The following PSMA1 variants were observed in gnomAD, a reference collection of about 807,000 sequenced individuals.
PSMA1 encodes proteasome 20S subunit alpha 1, also known as proteasome subunit alpha type-1.
Under a neutral mutation model 38.4 loss-of-function variants are expected in PSMA1, and 3 were observed. The ratio of observed to expected loss-of-function variants is 0.08; its 90% CI spans 0.04 to 0.20. The LOEUF is 0.20. PSMA1 is among the 10% of genes least tolerant of loss of function. The pLI is 1.00. For synonymous variants in PSMA1, 101 were observed against 107.1 expected (o/e 0.94, Z 0.35); for missense variants, 227 against 325.3 (o/e 0.70, Z 2.32).
At chr11:14,555,329 A>G (rs897628181) in intron 2 of PSMA1, among the ~76,000 whole-genome samples, 4 of 152,136 alleles carry the variant, frequency 2.6e-5, no homozygotes, top group Non-Finnish European at 4.4e-5. Flanking sequence ...GATGTGCATT[A>G]CTTCTGACTT....
At chr11:14,591,817 T>C (rs1408155620) in intron 2 of PSMA1, among the ~76,000 whole-genome samples, 1 of 152,118 alleles carries the variant, frequency 6.6e-6, no homozygotes, top group Non-Finnish European at 1.5e-5. Context: ...TGGGGCCAGA[T>C]AAGAGAATAA....
At chr11:14,564,685 T>A (rs900375825) in intron 2 of PSMA1, among the ~76,000 whole-genome samples, 145 of 152,326 alleles carry the variant, frequency 9.5e-4, no homozygotes, top group African/African-American at 3.2e-3. Flanking sequence ...CTTTTCTTCA[T>A]CCTTAGCAGC....
At chr11:14,544,652 G>C (rs1030684145) in intron 2 of PSMA1, among the ~76,000 whole-genome samples, 8 of 152,062 alleles carry the variant, frequency 5.3e-5, no homozygotes, top group African/African-American at 1.9e-4. Flanking sequence ...TACTAAGATG[G>C]CTACAATAAA....
chr11:14,509,941 T>C (rs866718396), intron 8 of PSMA1, among the ~76,000 whole-genome samples: 5 of 152,100 alleles, frequency 3.3e-5, no homozygotes, highest in African/African-American at 1.2e-4. Context: ...GCCAGGATAG[T>C]CTTGATCTCC....
intron 2 of PSMA1, among the ~76,000 whole-genome samples, chr11:14,572,341 G>A (rs1250907755): frequency 6.6e-6 from 1 of 152,142 alleles, no homozygotes; most frequent in Non-Finnish European, 1.5e-5. Flanking sequence ...AATCAAACAA[G>A]AACTCAGGAT....
At chr11:14,589,134 C>T (rs935340597) in intron 2 of PSMA1, among the ~76,000 whole-genome samples, 1 of 152,164 alleles carries the variant, frequency 6.6e-6, no homozygotes, top group African/African-American at 2.4e-5. Flanking sequence ...TCCTCACCTC[C>T]TTCAGGTCTT....
intron 2 of PSMA1, among the ~76,000 whole-genome samples, chr11:14,553,452 G>A (rs549591436): frequency 6.6e-6 from 1 of 152,170 alleles, no homozygotes; most frequent in African/African-American, 2.4e-5. Context: ...TATCCCAAAT[G>A]CTACCTCTCT....
intron 8 of PSMA1, among the ~76,000 whole-genome samples, chr11:14,508,447 T>A (rs1851282860): frequency 6.6e-6 from 1 of 151,270 alleles, no homozygotes; most frequent in South Asian, 2.1e-4. Context: ...CATAAATGCT[T>A]CCCTAAATTT....
intron 2 of PSMA1, among the ~76,000 whole-genome samples, chr11:14,577,867 AC>A (rs1218832840): frequency 1.3e-5 from 2 of 152,210 alleles, no homozygotes; most frequent in African/African-American, 2.4e-5. Context: ...TTAGGAGTTA[AC>A]AAAAAAATCC....
At chr11:14,594,272 A>T (rs1225299168) in intron 2 of PSMA1, among the ~76,000 whole-genome samples, 1 of 152,250 alleles carries the variant, frequency 6.6e-6, no homozygotes, top group Non-Finnish European at 1.5e-5. Flanking sequence ...TAGGAAATAG[A>T]ACCCCTCATA....
intron 2 of PSMA1, among the ~76,000 whole-genome samples, chr11:14,554,973 T>C (rs1056094713): frequency 1.2e-4 from 18 of 152,226 alleles, no homozygotes; most frequent in Middle Eastern, 3.2e-3. Flanking sequence ...TATTTCTTCA[T>C]AGAGTTGCTT....
intron 2 of PSMA1, among the ~76,000 whole-genome samples, chr11:14,539,107 CA>C (rs1471867301): frequency 6.6e-5 from 10 of 152,276 alleles, no homozygotes; most frequent in African/African-American, 2.4e-4. Context: ...GGAATTTCAA[CA>C]GAAGGTAATA....
chr11:14,596,364 T>TC (rs1228334285), intron 2 of PSMA1, among the ~76,000 whole-genome samples: 1 of 152,228 alleles, frequency 6.6e-6, no homozygotes, highest in African/African-American at 2.4e-5. Flanking sequence ...TATTGAGTCT[T>TC]CCTATCCATG....
chr11:14,633,552 A>G (rs1853064511), intron 1 of PSMA1, among the ~76,000 whole-genome samples: 1 of 152,116 alleles, frequency 6.6e-6, no homozygotes, highest in African/African-American at 2.4e-5. Flanking sequence ...GCTGTCAGAC[A>G]GGGACATTTA....
At chr11:14,598,671 A>G (rs1460051835) in intron 2 of PSMA1, among the ~76,000 whole-genome samples, 2 of 144,884 alleles carry the variant, frequency 1.4e-5, no homozygotes, top group Non-Finnish European at 3.0e-5. Flanking sequence ...AATACAGCAC[A>G]CTGATGGGTC....
intron 2 of PSMA1, among the ~76,000 whole-genome samples, chr11:14,609,495 G>GA (rs755814596): frequency 9.5e-4 from 144 of 152,178 alleles, no homozygotes; most frequent in African/African-American, 2.5e-3. Context: ...ATGATAAGGA[G>GA]AAAAAAATAA....
rs945594210 is a variant in PSMA1, at chr11:14,513,656, T to C, written c.458A>G (p.Tyr153Cys). The C allele has an allele frequency of 7.5e-6, 12 of 1,593,520 alleles. No individual in the cohort carries two copies. Among genetic ancestry groups the C allele is most frequent in the East Asian group, 4.5e-5 (2 of 44,262 alleles). Residue 153 changes from tyrosine to cysteine, a missense_variant, in exon 7 of 10, where the codon TAT becomes TGT. By Grantham distance (194) the Tyr-to-Cys change is radical (BLOSUM62 -2). Coordinates refer to ENST00000396394, the MANE Select transcript of PSMA1 (RefSeq NM_002786.4). ...HIFQTCPSAN[Y>C]FDCRAMSIGA... ...AATGGACATGGCTCTGCAGTCAAAA[T>C]AGTTAGCAGATGGACAGGTTTGGAA...
chr11:14,528,516 G>C (rs1442558251), intron 2 of PSMA1, among the ~76,000 whole-genome samples: 2 of 151,884 alleles, frequency 1.3e-5, no homozygotes, highest in Non-Finnish European at 2.9e-5. Flanking sequence ...GCTTGAATCA[G>C]CCCTAAGAAA....
chr11:14,556,297 A>C (rs1851940473), intron 2 of PSMA1, among the ~76,000 whole-genome samples: 1 of 152,218 alleles, frequency 6.6e-6, no homozygotes, highest in Non-Finnish European at 1.5e-5. Flanking sequence ...ATAGACTTCT[A>C]GGTTGGAAAA....
Sources: allele counts gnomAD v4.1 joint callset (sites outside exome capture counted in the v4.1 genomes callset), GRCh38; gene constraint gnomAD v4.1.1; transcripts MANE v1.5; gene names NCBI Gene and HGNC (gene_info 2026-07-23, HGNC 2026-07-21).